FRAS1: variants seen among roughly 807,000 people sequenced by gnomAD.
FRAS1 encodes the protein extracellular matrix organizing protein FRAS1.
FRAS1 carries 290 observed loss-of-function variants against 435.2 expected under a neutral mutation model. The ratio of observed to expected loss-of-function variants is 0.67; its 90% CI spans 0.61 to 0.73. The LOEUF (loss-of-function observed/expected upper bound fraction) is 0.73. Ranked by LOEUF, FRAS1 falls within the 30% of genes least tolerant of loss-of-function variation. The pLI is 0.00. For missense variants in FRAS1, 4,860 were observed against 5,001.5 expected (o/e 0.97, Z 0.85); for synonymous variants, 1,800 against 1,851.0 (o/e 0.97, Z 0.71).
At position 78,103,705 on chromosome 4, in the gene FRAS1, C is replaced by T. The variant is rs183025927; in HGVS notation, c.108+37689C>T. 4.6e-5 allele frequency among the ~76,000 whole-genome samples: 7 copies of T among 152,286 alleles called. No homozygotes were observed. The East Asian group carries it at 1.4e-3, about 29-fold the overall frequency. ...TCAGAGACCCAGCCAACCCCTTTCA[C>T]CATGTGAGGACACAGTGAAAAGTCA... On this transcript the variant is annotated intron_variant, in intron 2 of 73. Transcript: ENST00000512123.
chr4:78,336,556 T>G (rs143371), intron 19 of FRAS1, among the ~76,000 whole-genome samples: 1 of 152,012 alleles, frequency 6.6e-6, no homozygotes, highest in South Asian at 2.1e-4. Flanking sequence ...TTTGGATAGG[T>G]GCTTTCAACA....
At chr4:78,312,879 G>GAGAAAGAA (rs61444789) in intron 15 of FRAS1, among the ~76,000 whole-genome samples, 13 of 129,166 alleles carry the variant, frequency 1.0e-4, no homozygotes, top group South Asian at 2.6e-4. Flanking sequence ...GAGAGAGAGA[G>GAGAAAGAA]AGAAAGAAAG....
At chr4:78,267,677 C>T (rs142019663) in intron 9 of FRAS1, among the ~76,000 whole-genome samples, 121 of 152,268 alleles carry the variant, frequency 7.9e-4, no homozygotes, top group Non-Finnish European at 1.3e-3. Flanking sequence ...TTGGAAGCCC[C>T]GAGCCAGAGA....
At chr4:78,165,812 C>T (rs1242432777) in intron 2 of FRAS1, among the ~76,000 whole-genome samples, 3 of 152,134 alleles carry the variant, frequency 2.0e-5, no homozygotes, top group Non-Finnish European at 1.5e-5. Flanking sequence ...TATTATCCAG[C>T]AGGCTAGAGT....
intron 2 of FRAS1, among the ~76,000 whole-genome samples, chr4:78,173,751 G>C (rs190058012): frequency 1.5e-3 from 227 of 152,322 alleles, no homozygotes; most frequent in African/African-American, 5.1e-3. Flanking sequence ...AATCTTAACA[G>C]GCGGCACTAT....
rs555157543 is a variant in FRAS1, at chr4:78,216,787, A to G, written c.109-20723A>G. Among the ~76,000 whole-genome samples, 10 of 152,296 alleles carry G rather than the reference A, an allele frequency of 6.6e-5. No individual in the cohort carries two copies. In the East Asian group the frequency reaches 1.9e-3, roughly 29 times the overall value. ...GATAGAGTAGTCAGGGAAGACTTGG[A>G]TGAGGAGGTGGAATCTTAAGAGTGA... On this transcript the variant is annotated intron_variant, in intron 2 of 73. Coordinates refer to ENST00000512123, the MANE Select transcript of FRAS1 (RefSeq NM_025074.7).
intron 20 of FRAS1, among the ~76,000 whole-genome samples, chr4:78,357,763 C>G (rs1295492856): frequency 6.6e-6 from 1 of 152,048 alleles, no homozygotes; most frequent in South Asian, 2.1e-4. Flanking sequence ...ATTAGGCGGA[C>G]CCGGTGGTAC....
chr4:78,276,991 T>C (rs1321354660), intron 9 of FRAS1, among the ~76,000 whole-genome samples: 1 of 152,146 alleles, frequency 6.6e-6, no homozygotes, highest in African/African-American at 2.4e-5. Context: ...CCTCTTTGTT[T>C]ACCCACTCAA....
intron 2 of FRAS1, among the ~76,000 whole-genome samples, chr4:78,218,143 T>A (rs1305016800): frequency 2.2e-5 from 2 of 89,502 alleles, no homozygotes; most frequent in Non-Finnish European, 4.9e-5. Flanking sequence ...CAAGTTGTAT[T>A]TATGTTAATA....
chr4:78,521,399 A>T (rs930598209), intron 67 of FRAS1, 124 bp from the exon 68 acceptor site: 4 of 627,580 alleles, frequency 6.4e-6, no homozygotes, highest in Non-Finnish European at 1.1e-5. Context: ...TATAAATGTT[A>T]TCTTGTTACA....
chr4:78,100,283 G>A (rs4423900), intron 2 of FRAS1, among the ~76,000 whole-genome samples: 42,580 of 152,080 alleles, frequency 0.28, 6,303 homozygotes, highest in African/African-American at 0.35. Flanking sequence ...GGGTACTCCA[G>A]GGATTCTTCA....
chr4:78,213,726 C>T (rs900333055), intron 2 of FRAS1, among the ~76,000 whole-genome samples: 1 of 152,066 alleles, frequency 6.6e-6, no homozygotes, highest in Non-Finnish European at 1.5e-5. Context: ...AGACAGTTGC[C>T]CAAAATGGCT....
intron 59 of FRAS1, among the ~76,000 whole-genome samples, chr4:78,495,235 T>C (rs1222065415): frequency 6.6e-6 from 1 of 152,130 alleles, no homozygotes; most frequent in East Asian, 1.9e-4. Flanking sequence ...GTTTTAGACA[T>C]TTTAGGTATT....
At chr4:78,524,108 G>C (rs868866306) in intron 69 of FRAS1, among the ~76,000 whole-genome samples, 11 of 152,184 alleles carry the variant, frequency 7.2e-5, no homozygotes, top group Non-Finnish European at 1.5e-4. Context: ...CTCTGTTCCA[G>C]CTTCTGCTGT....
At chr4:78,258,321 G>A (rs1840393) in intron 6 of FRAS1, among the ~76,000 whole-genome samples, 142,446 of 150,594 alleles carry the variant, frequency 0.95, 67,765 homozygotes, top group Non-Finnish European at 1. Context: ...AGCCTGGGTG[G>A]CAGAGCAAGA....
chr4:78,374,062 C>G (rs1182635390), intron 24 of FRAS1, 49 bp from the exon 25 acceptor site: 1 of 1,517,256 alleles, frequency 6.6e-7, no homozygotes, highest in Non-Finnish European at 8.9e-7. Flanking sequence ...AGGCCTGGAG[C>G]CCCTGGAAAG....
intron 4 of FRAS1, among the ~76,000 whole-genome samples, chr4:78,249,064 C>CATATAT (rs200267733): frequency 0.015 from 243 of 16,550 alleles, 32 homozygotes; most frequent in African/African-American, 0.023. Context: ...TATATATATG[C>CATATAT]ATATATATAT....
chr4:78,369,149 G>A (rs1347350477), intron 22 of FRAS1, among the ~76,000 whole-genome samples: 2 of 152,210 alleles, frequency 1.3e-5, no homozygotes, highest in African/African-American at 4.8e-5. Flanking sequence ...TTATATCGGA[G>A]AGTTTGAATA....
chr4:78,244,475 G>C (rs781162309), intron 3 of FRAS1, among the ~76,000 whole-genome samples: 6 of 152,116 alleles, frequency 3.9e-5, no homozygotes, highest in Non-Finnish European at 5.9e-5. Flanking sequence ...TCTAATATGA[G>C]AGTCGTGGGC....
Sources: allele counts gnomAD v4.1 joint callset (sites outside exome capture counted in the v4.1 genomes callset), GRCh38; gene constraint gnomAD v4.1.1; transcripts MANE v1.5; gene names NCBI Gene and HGNC (gene_info 2026-07-23, HGNC 2026-07-21).